CREB5: variants seen among roughly 807,000 people sequenced by gnomAD.
The protein encoded by CREB5 is cyclic AMP-responsive element-binding protein 5.
CREB5 carries 19 observed loss-of-function variants against 57.1 expected under a neutral mutation model. The ratio of observed to expected loss-of-function variants is 0.33; its 90% CI spans 0.23 to 0.49. The LOEUF (loss-of-function observed/expected upper bound fraction) is 0.49, where lower values mean the gene tolerates loss of function less well. Ranked by LOEUF, CREB5 falls within the 20% of genes least tolerant of loss-of-function variation. The pLI, the probability that CREB5 is intolerant of heterozygous loss-of-function variation, is 0.99. For synonymous variants in CREB5, 238 were observed against 238.3 expected (o/e 1.00, Z 0.01); for missense variants, 579 against 671.6 (o/e 0.86, Z 1.52).
chr7:28,396,542 G>A (rs1440251516), intron 1 of CREB5, among the ~76,000 whole-genome samples: 1 of 152,056 alleles, frequency 6.6e-6, no homozygotes, highest in Admixed American at 6.5e-5. Context: ...ATCTCTTGAT[G>A]TCATAAATAT....
intron 5 of CREB5, among the ~76,000 whole-genome samples, chr7:28,598,142 T>C (rs1045860898): frequency 1.3e-5 from 2 of 152,158 alleles, no homozygotes; most frequent in African/African-American, 2.4e-5. Flanking sequence ...GAGGAAGTAA[T>C]TGAATCATGG....
chr7:28,643,333 A>C (rs1798755030), intron 5 of CREB5, among the ~76,000 whole-genome samples: 1 of 152,188 alleles, frequency 6.6e-6, no homozygotes, highest in Non-Finnish European at 1.5e-5. Context: ...AAGGTCACCG[A>C]CAGGGTGAAT....
chr7:28,760,450 A>C (rs1805579098), intron 7 of CREB5, among the ~76,000 whole-genome samples: 1 of 152,246 alleles, frequency 6.6e-6, no homozygotes, highest in African/African-American at 2.4e-5. Context: ...AGAATGATTC[A>C]GACCTGCCAA....
intron 7 of CREB5, among the ~76,000 whole-genome samples, chr7:28,765,828 C>A (rs1805937515): frequency 6.6e-6 from 1 of 152,134 alleles, no homozygotes. Context: ...CAAATATGGG[C>A]CCCCACCATG....
intron 5 of CREB5, among the ~76,000 whole-genome samples, chr7:28,662,672 AT>A (rs1355323220): frequency 1.3e-5 from 2 of 152,190 alleles, no homozygotes; most frequent in East Asian, 3.8e-4. Context: ...ACCTGTGAAT[AT>A]GCTGGGAGGC....
At chr7:28,321,543 C>T (rs968247591) in intron 1 of CREB5, among the ~76,000 whole-genome samples, 3 of 152,212 alleles carry the variant, frequency 2.0e-5, no homozygotes, top group African/African-American at 7.2e-5. Flanking sequence ...CCTGGAGTCC[C>T]TCCTCGAAAT....
chr7:28,474,309 C>T (rs1453565602), intron 1 of CREB5, among the ~76,000 whole-genome samples: 6 of 152,082 alleles, frequency 3.9e-5, no homozygotes, highest in South Asian at 2.1e-4. Flanking sequence ...CCTCAGTTTC[C>T]GCGGGTGTTG....
chr7:28,543,577 G>GT (rs1423073836), intron 4 of CREB5, among the ~76,000 whole-genome samples: 2 of 82,188 alleles, frequency 2.4e-5, no homozygotes, highest in Non-Finnish European at 4.5e-5. Flanking sequence ...ATCATTTTAG[G>GT]TAAAAAAAAA....
intron 5 of CREB5, among the ~76,000 whole-genome samples, chr7:28,714,843 G>A (rs1177191926): frequency 6.6e-6 from 1 of 152,198 alleles, no homozygotes; most frequent in Non-Finnish European, 1.5e-5. Flanking sequence ...CTTGTTCCAT[G>A]CCTCAATAAT....
intron 5 of CREB5, among the ~76,000 whole-genome samples, chr7:28,677,268 T>A (rs532392781): frequency 6.6e-6 from 1 of 152,310 alleles, no homozygotes; most frequent in East Asian, 1.9e-4. Context: ...TATGGATCAC[T>A]AGCATCAAAA....
chr7:28,345,981 C>T (rs1404363007), intron 1 of CREB5, among the ~76,000 whole-genome samples: 1 of 152,086 alleles, frequency 6.6e-6, no homozygotes, highest in African/African-American at 2.4e-5. Context: ...GACCTCTGTT[C>T]AACTCAAGAT....
intron 9 of CREB5, among the ~76,000 whole-genome samples, chr7:28,814,737 C>T (rs1227754416): frequency 6.6e-6 from 1 of 152,132 alleles, no homozygotes; most frequent in Non-Finnish European, 1.5e-5. Flanking sequence ...GGCATGGCAG[C>T]TTGGGAACTC....
intron 4 of CREB5, among the ~76,000 whole-genome samples, chr7:28,549,076 G>T (rs760332544): frequency 2.4e-4 from 36 of 152,078 alleles, no homozygotes; most frequent in Non-Finnish European, 4.4e-4. Flanking sequence ...GGTACCTGTT[G>T]GGCTCTGCAC....
intron 7 of CREB5, among the ~76,000 whole-genome samples, chr7:28,773,286 C>T (rs1171105635): frequency 1.3e-5 from 2 of 152,028 alleles, no homozygotes; most frequent in African/African-American, 4.8e-5. Context: ...AAATATATAA[C>T]ATATATTTAC....
intron 1 of CREB5, among the ~76,000 whole-genome samples, chr7:28,328,801 A>G (rs2127986054): frequency 6.6e-6 from 1 of 152,332 alleles, no homozygotes; most frequent in Non-Finnish European, 1.5e-5. Flanking sequence ...GAAAATATTC[A>G]CAAGCGGCTG....
chr7:28,442,141 A>G (rs1789216580), intron 1 of CREB5, among the ~76,000 whole-genome samples: 1 of 152,084 alleles, frequency 6.6e-6, no homozygotes, highest in African/African-American at 2.4e-5. Context: ...CTTCCATGAG[A>G]TTAAACAAAA....
chr7:28,673,243 T>G (rs186853821), intron 5 of CREB5, among the ~76,000 whole-genome samples: 39 of 152,342 alleles, frequency 2.6e-4, no homozygotes, highest in Admixed American at 5.2e-4. Flanking sequence ...CAGGGCCTTT[T>G]GGGTCTAACA....
intron 5 of CREB5, among the ~76,000 whole-genome samples, chr7:28,599,758 T>TG (rs1554273199): frequency 6.7e-5 from 10 of 149,202 alleles, no homozygotes; most frequent in East Asian, 3.9e-4. Context: ...TGTTTTGTTT[T>TG]TTTATTGTAT....
intron 1 of CREB5, among the ~76,000 whole-genome samples, chr7:28,481,335 TG>T (rs1791323914): frequency 2.0e-5 from 3 of 152,220 alleles, no homozygotes; most frequent in African/African-American, 7.2e-5. Context: ...CAAATATCTT[TG>T]AAGAACAGGG....
Sources: allele counts gnomAD v4.1 joint callset (sites outside exome capture counted in the v4.1 genomes callset), GRCh38; gene constraint gnomAD v4.1.1; transcripts MANE v1.5; gene names NCBI Gene and HGNC (gene_info 2026-07-23, HGNC 2026-07-21).